NUDCD1: variants seen among roughly 807,000 people sequenced by gnomAD.
NUDCD1 encodes nudC domain-containing protein 1.
A neutral mutation model predicts 67.8 loss-of-function variants in NUDCD1; 60 were observed. That is an observed-to-expected ratio of 0.88 (90% CI 0.72 to 1.10). The LOEUF is 1.10. NUDCD1 is among the 50% of genes least tolerant of loss of function. The pLI, the probability that NUDCD1 is intolerant of heterozygous loss-of-function variation, is 0.00. For missense variants in NUDCD1, 643 were observed against 695.0 expected (o/e 0.93, Z 0.84); for synonymous variants, 244 against 230.8 (o/e 1.06, Z -0.52).
At chr8:109,290,000 TA>T (rs1206802783) in intron 4 of NUDCD1, 67 bp from the exon 5 acceptor site, 1 of 697,340 alleles carries the variant, frequency 1.4e-6, no homozygotes. Flanking sequence ...TTCTGATATT[TA>T]AAAATTGATT....
intron 2 of NUDCD1, among the ~76,000 whole-genome samples, chr8:109,300,280 G>A (rs1201212486): frequency 1.3e-5 from 2 of 152,112 alleles, no homozygotes; most frequent in Non-Finnish European, 2.9e-5. Context: ...AAAGAATTCA[G>A]GAGGTCAGTT....
At chr8:109,280,679 A>G (rs1365755440) in intron 6 of NUDCD1, among the ~76,000 whole-genome samples, 2 of 152,214 alleles carry the variant, frequency 1.3e-5, no homozygotes, top group Non-Finnish European at 2.9e-5. Context: ...AAAAAGTTTG[A>G]AAAAGTGCAA....
chr8:109,250,635 G>C (rs1169202734), intron 8 of NUDCD1, among the ~76,000 whole-genome samples: 1 of 152,112 alleles, frequency 6.6e-6, no homozygotes, highest in Non-Finnish European at 1.5e-5. Flanking sequence ...TGATGAGGCA[G>C]TTTCTTTCAA....
rs773089562 is a variant in NUDCD1 at position 109,275,434 on chromosome 8, T to C, written c.1091A>G (p.Asp364Gly). 1.2e-6 allele frequency: 2 copies of C among 1,613,776 alleles called. No homozygotes were observed. Among genetic ancestry groups the C allele is most frequent in the South Asian group, 2.2e-5 (2 of 91,068 alleles). The change falls in exon 7 of 10, where the codon GAT becomes GGT. Residue 364 changes from aspartate to glycine, a missense_variant. Physicochemically the swap from Asp to Gly is moderately conservative, Grantham distance 94 (BLOSUM62 -1). Coordinates refer to ENST00000239690, the MANE Select transcript of NUDCD1 (RefSeq NM_032869.4). ...ATCTCTTATAAGTTCCCCTTGTTTA[T>C]CTCCAATTACTAGCTCTGGCCAGGT... ...GLTWPELVIG[D>G]KQGELIRDSA...
intron 3 of NUDCD1, among the ~76,000 whole-genome samples, chr8:109,294,648 TTTTA>T (rs900222432): frequency 3.6e-4 from 55 of 152,104 alleles, no homozygotes; most frequent in African/African-American, 1.3e-3. Context: ...GATGGCGTAC[TTTTA>T]AAAATTGTTA....
intron 1 of NUDCD1, among the ~76,000 whole-genome samples, chr8:109,332,143 T>C (rs1815819751): frequency 6.6e-6 from 1 of 152,186 alleles, no homozygotes; most frequent in Admixed American, 6.5e-5. Flanking sequence ...AAGGAACTCA[T>C]AGTCTAGTGG....
At chr8:109,286,892 G>A (rs1365229979) in intron 5 of NUDCD1, among the ~76,000 whole-genome samples, 1 of 151,966 alleles carries the variant, frequency 6.6e-6, no homozygotes, top group African/African-American at 2.4e-5. Context: ...TAATATCAAG[G>A]CTCTATAAGG....
chr8:109,306,633 C>A (rs1216901845), intron 2 of NUDCD1, among the ~76,000 whole-genome samples: 1 of 149,270 alleles, frequency 6.7e-6, no homozygotes, highest in African/African-American at 2.5e-5. Context: ...TATGTTGAAC[C>A]CCCCCCACCC....
chr8:109,316,902 G>A (rs1815413138), intron 2 of NUDCD1, among the ~76,000 whole-genome samples: 1 of 152,040 alleles, frequency 6.6e-6, no homozygotes, highest in South Asian at 2.1e-4. Flanking sequence ...GGTACAATAT[G>A]GTCTGAGAAC....
At chr8:109,331,290 C>T (rs999112273) in intron 1 of NUDCD1, among the ~76,000 whole-genome samples, 25 of 151,698 alleles carry the variant, frequency 1.6e-4, no homozygotes, top group Non-Finnish European at 2.8e-4. Flanking sequence ...GCTGAGATCG[C>T]GCCACTGCAC....
Position 109,241,972 on chromosome 8 carries a change from A to C in NUDCD1, c.*1037T>G. The C allele has an allele frequency of 2.5e-6, 1 of 397,110 alleles. No homozygotes were observed. The highest frequency in any genetic ancestry group is 4.4e-6 in the Non-Finnish European group (1 of 224,982). 24.6% of individuals were successfully genotyped at this position (397,110 alleles called of 1,614,324 possible). On this transcript the variant is annotated 3_prime_UTR_variant, in exon 10 of 10. Coordinates refer to ENST00000239690, the MANE Select transcript of NUDCD1 (RefSeq NM_032869.4). ...GGAAAGGTAAGTTTGAAAAAACAAA[A>C]TTTGTGGCAAGAAACTATAACATAT...
intron 5 of NUDCD1, among the ~76,000 whole-genome samples, chr8:109,282,630 CAAT>C (rs1409951682): frequency 7.9e-6 from 1 of 126,984 alleles, no homozygotes; most frequent in African/African-American, 3.0e-5. Flanking sequence ...GGGAGTTGAA[CAAT>C]GAGAACTCAT....
intron 4 of NUDCD1, among the ~76,000 whole-genome samples, chr8:109,293,046 T>C (rs1299180573): frequency 1.3e-5 from 2 of 152,008 alleles, no homozygotes; most frequent in East Asian, 1.9e-4. Flanking sequence ...CACATATATA[T>C]GCATATATTT....
intron 8 of NUDCD1, among the ~76,000 whole-genome samples, chr8:109,267,656 T>C (rs572562255): frequency 6.6e-6 from 1 of 152,358 alleles, no homozygotes; most frequent in East Asian, 1.9e-4. Context: ...GTTTTAATTA[T>C]ACACTAATTG....
At chr8:109,265,559 C>T (rs964142225) in intron 8 of NUDCD1, among the ~76,000 whole-genome samples, 2 of 152,146 alleles carry the variant, frequency 1.3e-5, no homozygotes, top group Non-Finnish European at 2.9e-5. Context: ...TGTAACTCTT[C>T]CTCCTGTCTT....
chr8:109,263,958 C>T (rs1586259996), intron 8 of NUDCD1, among the ~76,000 whole-genome samples: 1 of 152,100 alleles, frequency 6.6e-6, no homozygotes, highest in Non-Finnish European at 1.5e-5. Context: ...AAAGAAAAGG[C>T]CAGTTTCACT....
chr8:109,310,630 A>C (rs568887226), intron 2 of NUDCD1, among the ~76,000 whole-genome samples: 1 of 152,332 alleles, frequency 6.6e-6, no homozygotes, highest in East Asian at 1.9e-4. Flanking sequence ...GGACTTAATT[A>C]AACTAAAGAG....
Position 109,309,295 on chromosome 8 carries a change from G to C in NUDCD1, c.274-12726C>G, listed in dbSNP as rs938445407. ...GTGGGTTTCATACCACAGATGCAGG[G>C]ATGGTTTAATATACACAAGTCAATA... is the stretch of plus-strand genomic sequence containing the variant. On this transcript the variant is annotated intron_variant, in intron 2 of 9. Transcript: ENST00000239690. Among the ~76,000 whole-genome samples the C allele has an allele frequency of 6.6e-5, 10 of 152,254 alleles. No homozygotes were observed. In the East Asian group the frequency reaches 1.7e-3, roughly 26 times the overall value.
chr8:109,321,260 T>C (rs1815527435), intron 2 of NUDCD1, among the ~76,000 whole-genome samples: 1 of 152,168 alleles, frequency 6.6e-6, no homozygotes, highest in African/African-American at 2.4e-5. Flanking sequence ...TAACAATGTA[T>C]TGTGGAGTTT....
Sources: gnomAD v4.1 joint callset for allele counts (sites outside exome capture counted in the v4.1 genomes callset) on GRCh38, gnomAD v4.1.1 for gene constraint, MANE v1.5 for transcripts, NCBI Gene and HGNC (gene_info 2026-07-23, HGNC 2026-07-21) for gene names.